The following PHLPP1 variants were observed in gnomAD, a reference collection of about 807,000 sequenced individuals.
The protein encoded by PHLPP1 is PH domain and leucine rich repeat protein phosphatase 1.
Under a neutral mutation model 117.2 loss-of-function variants are expected in PHLPP1, and 42 were observed. That is an observed-to-expected ratio of 0.36 (90% CI 0.28 to 0.46). The LOEUF is 0.46. Among genes scored for constraint, PHLPP1 ranks in the 20% least tolerant of loss-of-function variants. The pLI is 1.00. For missense variants in PHLPP1, 2,084 were observed against 2,241.9 expected (o/e 0.93, Z 1.42); for synonymous variants, 1,042 against 970.7 (o/e 1.07, Z -1.37).
At chr18:62,965,837 TAAAAAAAAAAAAAA>T (rs1449328679) in intron 14 of PHLPP1, among the ~76,000 whole-genome samples, 1 of 135,854 alleles carries the variant, frequency 7.4e-6, no homozygotes, top group Non-Finnish European at 1.6e-5. Context: ...CACTATACTT[TAAAAAAAAAAAAAA>T]GAAAGAAAAA....
At position 62,892,123 on chromosome 18, in the gene PHLPP1, C is replaced by A. The variant is rs186296761; in HGVS notation, c.2067-2888C>A. Reference sequence around the variant, plus strand: ...TTTTTTTTTTTACGGAGTTTTGCTCCTGTCACCCAGGCTGGAATGCAATGG... The same window carrying A: ...TTTTTTTTTTTACGGAGTTTTGCTCATGTCACCCAGGCTGGAATGCAATGG... On this transcript the variant is annotated intron_variant, in intron 4 of 16. Coordinates refer to ENST00000262719, the MANE Select transcript of PHLPP1 (RefSeq NM_194449.4). 8.0e-3 allele frequency among the ~76,000 whole-genome samples: 1,056 copies of A among 132,176 alleles called. 13 individuals are homozygous for A. Among genetic ancestry groups the A allele is most frequent in the Admixed American group, 0.034 (413 of 12,194 alleles). The allele number at this position is 132,176 out of a possible 152,430, so 86.7% of individuals were successfully genotyped here.
At chr18:62,797,163 A>G (rs1186527037) in intron 1 of PHLPP1, among the ~76,000 whole-genome samples, 1 of 152,230 alleles carries the variant, frequency 6.6e-6, no homozygotes, top group East Asian at 1.9e-4. Flanking sequence ...TTTGGGTAGG[A>G]ATAGATTATT....
intron 1 of PHLPP1, among the ~76,000 whole-genome samples, chr18:62,736,830 T>C (rs1171706529): frequency 6.6e-6 from 1 of 152,208 alleles, no homozygotes; most frequent in Non-Finnish European, 1.5e-5. Flanking sequence ...GTGTGGTAAC[T>C]CTCAGGAAGT....
chr18:62,905,331 T>C, intron 8 of PHLPP1, 47 bp downstream of exon 8: 4 of 1,016,714 alleles, frequency 3.9e-6, no homozygotes, highest in African/African-American at 1.6e-5. Flanking sequence ...TAGAAAATTA[T>C]TTAGTAATTC....
At chr18:62,744,858 A>G (rs959723072) in intron 1 of PHLPP1, among the ~76,000 whole-genome samples, 2 of 152,228 alleles carry the variant, frequency 1.3e-5, no homozygotes, top group Non-Finnish European at 2.9e-5. Context: ...AGTCACATGT[A>G]AATCAGGGAT....
chr18:62,810,253 C>T (rs1914072020), intron 1 of PHLPP1, among the ~76,000 whole-genome samples: 1 of 152,218 alleles, frequency 6.6e-6, no homozygotes, highest in Admixed American at 6.5e-5. Context: ...TCTTCTGGGG[C>T]ATTTGACTTT....
intron 2 of PHLPP1, among the ~76,000 whole-genome samples, chr18:62,837,391 T>G (rs1914935110): frequency 6.6e-6 from 1 of 152,214 alleles, no homozygotes; most frequent in Non-Finnish European, 1.5e-5. Flanking sequence ...TATTCTCTTC[T>G]TAATCTCTGG....
intron 1 of PHLPP1, among the ~76,000 whole-genome samples, chr18:62,766,417 T>C (rs964127256): frequency 6.6e-6 from 1 of 151,946 alleles, no homozygotes; most frequent in Non-Finnish European, 1.5e-5. Flanking sequence ...ATCTTCGAGT[T>C]TGGAAAAAGG....
chr18:62,757,784 CTT>C (rs888138734), intron 1 of PHLPP1, among the ~76,000 whole-genome samples: 1 of 152,194 alleles, frequency 6.6e-6, no homozygotes, highest in Non-Finnish European at 1.5e-5. Context: ...TTTTGCAGCT[CTT>C]TTTGCGGCTT....
intron 1 of PHLPP1, among the ~76,000 whole-genome samples, chr18:62,778,796 G>C (rs995659998): frequency 6.6e-6 from 1 of 152,118 alleles, no homozygotes; most frequent in African/African-American, 2.4e-5. Context: ...GTAACTGTTA[G>C]TTTATTGATT....
At chr18:62,875,015 C>G (rs372660579) in intron 4 of PHLPP1, among the ~76,000 whole-genome samples, 1 of 152,180 alleles carries the variant, frequency 6.6e-6, no homozygotes, top group African/African-American at 2.4e-5. Flanking sequence ...AGTACAGTGG[C>G]GCGATCTTGG....
chr18:62,746,737 C>T (rs1354853977), intron 1 of PHLPP1, among the ~76,000 whole-genome samples: 4 of 149,820 alleles, frequency 2.7e-5, no homozygotes, highest in East Asian at 3.9e-4. Flanking sequence ...CAACCTGGCG[C>T]GTGTGTTGTG....
At chr18:62,728,107 C>G (rs1219312556) in intron 1 of PHLPP1, among the ~76,000 whole-genome samples, 1 of 151,842 alleles carries the variant, frequency 6.6e-6, no homozygotes, top group East Asian at 1.9e-4. Flanking sequence ...CCAGCCTGGC[C>G]AACATGGTGA....
chr18:62,961,504 TTG>T (rs774378078), intron 13 of PHLPP1, among the ~76,000 whole-genome samples: 18 of 152,238 alleles, frequency 1.2e-4, no homozygotes, highest in Non-Finnish European at 1.8e-4. Context: ...TCTGAAGACT[TTG>T]TGTTCTGTAA....
intron 13 of PHLPP1, among the ~76,000 whole-genome samples, chr18:62,962,870 G>A (rs1410891432): frequency 6.6e-6 from 1 of 152,222 alleles, no homozygotes. Flanking sequence ...GGAACTGCAA[G>A]TCCATGATAA....
At chr18:62,821,492 T>C (rs1214309206) in intron 1 of PHLPP1, among the ~76,000 whole-genome samples, 3 of 132,442 alleles carry the variant, frequency 2.3e-5, no homozygotes, top group South Asian at 2.2e-4. Context: ...GAGGTTGCAG[T>C]GAGCCGAGAT....
At chr18:62,881,633 A>C (rs1177719104) in intron 4 of PHLPP1, among the ~76,000 whole-genome samples, 1 of 152,224 alleles carries the variant, frequency 6.6e-6, no homozygotes, top group Non-Finnish European at 1.5e-5. Context: ...AAGTGTTGAC[A>C]AGCTGGTTGC....
chr18:62,936,447 A>G (rs1043679928), intron 10 of PHLPP1, among the ~76,000 whole-genome samples: 1 of 152,258 alleles, frequency 6.6e-6, no homozygotes, highest in Non-Finnish European at 1.5e-5. Context: ...TGCTAAATTA[A>G]TGGGCAAAAG....
intron 11 of PHLPP1, among the ~76,000 whole-genome samples, chr18:62,943,535 G>T (rs1255824620): frequency 6.6e-6 from 1 of 152,188 alleles, no homozygotes; most frequent in Non-Finnish European, 1.5e-5. Flanking sequence ...GCTGGCATCT[G>T]CTTCTGGTGA....
Sources: gnomAD v4.1 joint callset for allele counts (sites outside exome capture counted in the v4.1 genomes callset) on GRCh38, gnomAD v4.1.1 for gene constraint, MANE v1.5 for transcripts, NCBI Gene and HGNC (gene_info 2026-07-23, HGNC 2026-07-21) for gene names.